Variants in CDH2 observed in about 807,000 individuals in gnomAD.
CDH2 encodes the protein cadherin-2.
CDH2 carries 17 observed loss-of-function variants against 92.0 expected under a neutral mutation model. The ratio of observed to expected loss-of-function variants is 0.18; its 90% CI spans 0.13 to 0.28. The LOEUF is 0.28. Ranked by LOEUF, CDH2 falls within the 10% of genes least tolerant of loss-of-function variation. The pLI is 1.00. For synonymous variants in CDH2, 419 were observed against 415.9 expected (o/e 1.01, Z -0.09); for missense variants, 862 against 1,133.1 (o/e 0.76, Z 3.44).
At chr18:28,043,453 T>TATAAATAA (rs1214087194) in intron 2 of CDH2, among the ~76,000 whole-genome samples, 12 of 77,138 alleles carry the variant, frequency 1.6e-4, no homozygotes, top group African/African-American at 5.5e-4. Context: ...AAATTACTGA[T>TATAAATAA]ATAAATAAAT....
At position 27,951,295 on chromosome 18, in the gene CDH2, C is replaced by T. The variant is rs1163352517; in HGVS notation, c.*858G>A. ...ATTGAGTATTCTAACTACAGCTCAACAATTGAATCAAATGTCACTGTTTTG... is the reference window on the plus strand; with the variant it reads ...ATTGAGTATTCTAACTACAGCTCAATAATTGAATCAAATGTCACTGTTTTG... On this transcript the variant is annotated 3_prime_UTR_variant, in exon 16 of 16. Transcript: ENST00000269141. The T allele has an allele frequency of 6.6e-6, 1 of 151,514 alleles. No homozygotes were observed. Among genetic ancestry groups the T allele is most frequent in the Admixed American group, 6.6e-5 (1 of 15,116 alleles). The allele number at this position is 151,514 out of a possible 1,614,324, so 9.4% of individuals were successfully genotyped here.
At chr18:28,029,496 A>G (rs2013639840) in intron 2 of CDH2, among the ~76,000 whole-genome samples, 1 of 151,892 alleles carries the variant, frequency 6.6e-6, no homozygotes, top group Admixed American at 6.6e-5. Context: ...TCTTTGTTAT[A>G]CCCTGAAATG....
chr18:28,013,771 A>G lies in CDH2; in HGVS notation c.311T>C (p.Ile104Thr), dbSNP rs1177369468. 1 of 1,614,026 alleles carries G rather than the reference A, an allele frequency of 6.2e-7. No homozygotes were observed. ...CTGGGTCTCTTTGTCTTGGGCATAT[A>G]TCAGGAACTTGGCATGCTCAGAAGA... ...PLSSEHAKFL[I>T]YAQDKETQEK... Residue 104 changes from isoleucine (I) to threonine (T), a missense_variant, in exon 3 of 16, where the codon ATA (isoleucine) becomes ACA (threonine). Ile to Thr is a moderately conservative substitution (Grantham distance 89). Coordinates refer to ENST00000269141, the MANE Select transcript of CDH2 (RefSeq NM_001792.5).
rs1398682276 is a variant in CDH2, at chr18:27,963,465, C to CTTGAT, written c.2401_2405dup (p.Pro803SerfsTer56). On this transcript the variant is annotated frameshift_variant, in exon 15 of 16. Coordinates refer to ENST00000269141, the MANE Select transcript of CDH2 (RefSeq NM_001792.5). LOFTEE classifies it high-confidence loss of function. ...CATCCATTCGTCGGATTCCCACAGG[C>CTTGAT]TTGATGGCATCAGGCTCCACAGTGT... The CTTGAT allele has an allele frequency of 6.2e-7, 1 of 1,614,006 alleles. No individual in the cohort carries two copies. Among genetic ancestry groups the CTTGAT allele is most frequent in the Admixed American group, 1.7e-5 (1 of 60,014 alleles).
intron 1 of CDH2, among the ~76,000 whole-genome samples, chr18:28,153,416 C>T (rs1440698899): frequency 6.6e-6 from 1 of 152,174 alleles, no homozygotes; most frequent in African/African-American, 2.4e-5. Flanking sequence ...TCATTCCTTC[C>T]AGCTTTATGT....
intron 2 of CDH2, among the ~76,000 whole-genome samples, chr18:28,095,500 A>G (rs904842651): frequency 6.6e-6 from 1 of 152,172 alleles, no homozygotes; most frequent in Non-Finnish European, 1.5e-5. Context: ...GCATCCAGAA[A>G]AGGGGACACA....
At chr18:27,974,790 A>G (rs2011771538) in intron 14 of CDH2, among the ~76,000 whole-genome samples, 1 of 152,194 alleles carries the variant, frequency 6.6e-6, no homozygotes, top group South Asian at 2.1e-4. Context: ...CACAGCAAGA[A>G]AGGCGCCTTA....
intron 2 of CDH2, among the ~76,000 whole-genome samples, chr18:28,095,807 C>CAAAAAAAAAAAAAAAAAAAAAAAAAAAAA: frequency 9.7e-6 from 1 of 102,934 alleles, no homozygotes; most frequent in Non-Finnish European, 1.9e-5. Flanking sequence ...GCAACTCCAT[C>CAAAAAAAAAAAAAAAAAAAAAAAAAAAAA]AAAAAAAAAA....
chr18:28,176,119 G>C (rs921913683), intron 1 of CDH2, among the ~76,000 whole-genome samples: 2 of 152,232 alleles, frequency 1.3e-5, no homozygotes, highest in Non-Finnish European at 2.9e-5. Context: ...GAGCCTCTTA[G>C]TAGAGATTAA....
chr18:27,981,048 A>G (rs933751118), intron 14 of CDH2, among the ~76,000 whole-genome samples: 1 of 152,170 alleles, frequency 6.6e-6, no homozygotes, highest in African/African-American at 2.4e-5. Context: ...GATTCAGATT[A>G]GGTGACATTA....
chr18:28,026,320 A>G (rs1324534660), intron 2 of CDH2, among the ~76,000 whole-genome samples: 1 of 152,170 alleles, frequency 6.6e-6, no homozygotes, highest in African/African-American at 2.4e-5. Context: ...TTTACTCTCC[A>G]TTACCAAACT....
chr18:28,109,341 A>G (rs1275171101), intron 2 of CDH2, among the ~76,000 whole-genome samples: 1 of 152,242 alleles, frequency 6.6e-6, no homozygotes, highest in Non-Finnish European at 1.5e-5. Context: ...AAGTGGCAAA[A>G]CATGAAATGC....
intron 2 of CDH2, among the ~76,000 whole-genome samples, chr18:28,084,255 A>G (rs1195658750): frequency 2.6e-5 from 4 of 152,192 alleles, no homozygotes; most frequent in Admixed American, 1.3e-4. Context: ...AAAATCCAAC[A>G]GGGCAGAGCC....
intron 15 of CDH2, among the ~76,000 whole-genome samples, chr18:27,952,607 T>G (rs1210336985): frequency 2.6e-5 from 4 of 152,068 alleles, no homozygotes; most frequent in African/African-American, 9.7e-5. Context: ...CCAAGGCTTA[T>G]GAAGGGAGGG....
At chr18:28,062,330 T>C (rs2014419828) in intron 2 of CDH2, among the ~76,000 whole-genome samples, 1 of 152,138 alleles carries the variant, frequency 6.6e-6, no homozygotes, top group Non-Finnish European at 1.5e-5. Flanking sequence ...AATGAAACAA[T>C]CTGTCAATTT....
Position 27,963,464 on chromosome 18 carries a change from G to A in CDH2, c.2407C>T (p.Pro803Ser). 6.2e-7 allele frequency: 1 copy of A among 1,614,072 alleles called. No homozygotes were observed. Among genetic ancestry groups the A allele is most frequent in the Non-Finnish European group, 8.5e-7 (1 of 1,180,010 alleles). The part of the protein sequence containing the change: ...PDTVEPDAIK[P>S]VGIRRMDERP... ...TCATCCATTCGTCGGATTCCCACAG[G>A]CTTGATGGCATCAGGCTCCACAGTG... is the stretch of plus-strand genomic sequence containing the variant. The change falls in exon 15 of 16, where the codon CCT becomes TCT. Residue 803 changes from proline to serine, a missense_variant. By Grantham distance (74) the Pro-to-Ser change is moderately conservative. Coordinates refer to ENST00000269141, the MANE Select transcript of CDH2 (RefSeq NM_001792.5).
chr18:28,085,049 C>T (rs1056853656), intron 2 of CDH2, among the ~76,000 whole-genome samples: 1 of 152,160 alleles, frequency 6.6e-6, no homozygotes, highest in Non-Finnish European at 1.5e-5. Flanking sequence ...TAGACAGCCA[C>T]ACCCATCCCT....
chr18:28,003,042 A>G lies in CDH2; in HGVS notation c.975T>C (p.Asn325=), dbSNP rs1272359756. ...TPSPNMFTIN[N]ETGDIITVAA... ...CCACTGTGATGATGTCACCAGTCTCATTGTTGATTGTAAACATGTTGGGTG... is the reference window on the plus strand; with the variant it reads ...CCACTGTGATGATGTCACCAGTCTCGTTGTTGATTGTAAACATGTTGGGTG... Residue 325 remains asparagine (N), a synonymous_variant, in exon 7 of 16, where the codon AAT becomes AAC. Transcript: ENST00000269141. 4 of 1,613,964 alleles carry G rather than the reference A, an allele frequency of 2.5e-6. No individual in the cohort carries two copies. The Admixed American group carries it at 6.7e-5, about 27-fold the overall frequency.
chr18:28,135,256 A>C (rs1383587981), intron 2 of CDH2, among the ~76,000 whole-genome samples: 1 of 152,248 alleles, frequency 6.6e-6, no homozygotes, highest in Non-Finnish European at 1.5e-5. Flanking sequence ...AGTGTCTCTT[A>C]CAAATATCAA....
Sources: gnomAD v4.1 joint callset for allele counts (sites outside exome capture counted in the v4.1 genomes callset) on GRCh38, gnomAD v4.1.1 for gene constraint, MANE v1.5 for transcripts, NCBI Gene and HGNC (gene_info 2026-07-23, HGNC 2026-07-21) for gene names.